The following JAZF1 variants were observed in gnomAD, a reference collection of about 807,000 sequenced individuals.
JAZF1 encodes JAZF zinc finger 1, also known as juxtaposed with another zinc finger protein 1.
A neutral mutation model predicts 26.4 loss-of-function variants in JAZF1; 8 were observed. The observed-to-expected ratio is 0.30, with a 90% CI of 0.18 to 0.55. JAZF1 has a LOEUF of 0.55. Among genes scored for constraint, JAZF1 ranks in the 20% least tolerant of loss-of-function variants. The pLI, the probability that JAZF1 is intolerant of heterozygous loss-of-function variation, is 0.94. For synonymous variants in JAZF1, 126 were observed against 122.3 expected (o/e 1.03, Z -0.20); for missense variants, 199 against 322.0 (o/e 0.62, Z 2.92).
intron 3 of JAZF1, among the ~76,000 whole-genome samples, chr7:27,865,911 AC>A (rs1329012924): frequency 6.6e-6 from 1 of 152,148 alleles, no homozygotes; most frequent in East Asian, 1.9e-4. Flanking sequence ...AGGGCAGTCC[AC>A]CCTTGCTTTC....
At position 27,885,988 on chromosome 7, in the gene JAZF1, C is replaced by G. The variant is rs186751489; in HGVS notation, c.385+9232G>C. On this transcript the variant is annotated intron_variant, in intron 3 of 4. Transcript: ENST00000283928. Reference sequence around the variant, plus strand: ...GCTATTTCTAGAAGCCCTAACTAACCTGACAACATAAGCCATTTCCACCAT... The same window carrying G: ...GCTATTTCTAGAAGCCCTAACTAACGTGACAACATAAGCCATTTCCACCAT... 2.9e-3 allele frequency among the ~76,000 whole-genome samples: 445 copies of G among 152,310 alleles called. 1 individual carries two copies. Among genetic ancestry groups the G allele is most frequent in the Middle Eastern group, 0.017 (5 of 294 alleles).
chr7:28,119,616 A>AC (rs1784804974), intron 1 of JAZF1, among the ~76,000 whole-genome samples: 1 of 152,156 alleles, frequency 6.6e-6, no homozygotes, highest in Non-Finnish European at 1.5e-5. Context: ...CTCTATTTAC[A>AC]ATCGGCTGTC....
In JAZF1 at chr7:28,171,442, TCA is replaced by T. The variant is rs1275834094; in HGVS notation, c.115+9019_115+9020del. 5.4e-4 allele frequency among the ~76,000 whole-genome samples: 82 copies of T among 152,338 alleles called. 1 individual carries two copies. In the East Asian group the frequency reaches 0.014, roughly 26 times the overall value. Reference sequence around the variant, plus strand: ...CCAAAGTACTTCTCAATTTTTATTTTCATACCATTTCTGAAAACACGTCTTGG... The same window carrying T: ...CCAAAGTACTTCTCAATTTTTATTTTTACCATTTCTGAAAACACGTCTTGG... On this transcript the variant is annotated intron_variant, in intron 1 of 4. Transcript: ENST00000283928.
chr7:28,038,446 A>C (rs1448214430), intron 1 of JAZF1, among the ~76,000 whole-genome samples: 1 of 152,218 alleles, frequency 6.6e-6, no homozygotes, highest in Admixed American at 6.5e-5. Context: ...AAAGAAAGGA[A>C]GACAAGATAA....
intron 1 of JAZF1, among the ~76,000 whole-genome samples, chr7:28,112,946 T>C (rs541376405): frequency 3.3e-5 from 5 of 151,996 alleles, no homozygotes; most frequent in South Asian, 2.1e-4. Context: ...CCAGAAAAAA[T>C]AGTGAGCCTC....
chr7:27,880,407 G>A (rs1383538085), intron 3 of JAZF1, among the ~76,000 whole-genome samples: 1 of 152,130 alleles, frequency 6.6e-6, no homozygotes, highest in Non-Finnish European at 1.5e-5. Flanking sequence ...GGGTGAGGTG[G>A]GCGGATCACG....
chr7:28,054,131 C>A lies in JAZF1; in HGVS notation c.116-62150G>T, dbSNP rs532215170. On this transcript the variant is annotated intron_variant, in intron 1 of 4. Transcript: ENST00000283928. ...TGAAGTAGAACAAAACCTTCAAATT[C>A]TATTTTCCACAGAGCATATAATCCT... is the stretch of plus-strand genomic sequence containing the variant. Among the ~76,000 whole-genome samples the A allele has an allele frequency of 2.6e-5, 4 of 152,268 alleles. No homozygotes were observed. The South Asian group carries it at 8.3e-4, about 31-fold the overall frequency.
At chr7:28,020,456 C>CG in intron 1 of JAZF1, 1 of 393,742 alleles carries the variant, frequency 2.5e-6, no homozygotes, top group Non-Finnish European at 5.2e-6. Flanking sequence ...AGCGCCTCCA[C>CG]GGTGCCTTCT....
At chr7:27,969,452 T>C (rs1040449492) in intron 2 of JAZF1, among the ~76,000 whole-genome samples, 2 of 152,100 alleles carry the variant, frequency 1.3e-5, no homozygotes, top group Admixed American at 1.3e-4. Context: ...CTGCGAATCC[T>C]TCTGCTTGTT....
At chr7:28,127,627 T>C (rs1583575281) in intron 1 of JAZF1, among the ~76,000 whole-genome samples, 1 of 152,318 alleles carries the variant, frequency 6.6e-6, no homozygotes, top group South Asian at 2.1e-4. Context: ...AATGTGGCTG[T>C]ATTAGTCCAT....
At chr7:27,864,506 C>T (rs747196322) in intron 3 of JAZF1, among the ~76,000 whole-genome samples, 1 of 152,152 alleles carries the variant, frequency 6.6e-6, no homozygotes, top group Non-Finnish European at 1.5e-5. Flanking sequence ...TGGGTTTGCC[C>T]GGCTCAGAGC....
At chr7:28,143,034 T>G (rs187365209) in intron 1 of JAZF1, among the ~76,000 whole-genome samples, 9 of 152,290 alleles carry the variant, frequency 5.9e-5, no homozygotes, top group Admixed American at 5.9e-4. Flanking sequence ...ACTGAGATCG[T>G]CACTGGGCCA....
intron 1 of JAZF1, among the ~76,000 whole-genome samples, chr7:28,010,248 C>T (rs1782776464): frequency 6.6e-6 from 1 of 152,244 alleles, no homozygotes; most frequent in Middle Eastern, 3.4e-3. Flanking sequence ...AGTATTTGTT[C>T]TCCTACTCCC....
At chr7:27,976,126 C>T (rs1042031978) in intron 2 of JAZF1, among the ~76,000 whole-genome samples, 3 of 152,026 alleles carry the variant, frequency 2.0e-5, no homozygotes, top group African/African-American at 7.2e-5. Context: ...GGGCGGATCA[C>T]GAGGTCAAGA....
chr7:27,851,940 T>C (rs1182206062), intron 3 of JAZF1, among the ~76,000 whole-genome samples: 7 of 151,548 alleles, frequency 4.6e-5, no homozygotes, highest in Non-Finnish European at 8.8e-5. Context: ...TTCTGAGTTA[T>C]GGACCCACAC....
chr7:28,111,844 G>C (rs1455186377), intron 1 of JAZF1, among the ~76,000 whole-genome samples: 1 of 152,184 alleles, frequency 6.6e-6, no homozygotes, highest in African/African-American at 2.4e-5. Context: ...GTGGCTCTGT[G>C]CCTTGCAGCC....
Position 27,895,393 on chromosome 7 carries a change from C to A in JAZF1, c.212G>T (p.Arg71Leu). ...INRFMTDAAR[R>L]EQESLKKKIQ... ...CTTCTTCTTTAGGGACTCCTGCTCT[C>A]GGCGGGCAGCATCTGTCATGAATCT... Residue 71 changes from arginine (R) to leucine (L), a missense_variant, in exon 3 of 5, where the codon CGA becomes CTA. By Grantham distance (102) the Arg-to-Leu change is moderately radical (BLOSUM62 -2). Transcript: ENST00000283928. 3.7e-6 allele frequency: 6 copies of A among 1,602,128 alleles called. No individual in the cohort carries two copies. Among genetic ancestry groups the A allele is most frequent in the Non-Finnish European group, 5.1e-6 (6 of 1,174,396 alleles).
At chr7:28,028,973 A>C (rs1783140596) in intron 1 of JAZF1, among the ~76,000 whole-genome samples, 1 of 152,042 alleles carries the variant, frequency 6.6e-6, no homozygotes, top group Non-Finnish European at 1.5e-5. Context: ...TCTCAAATTT[A>C]TTCCTTCATC....
At chr7:28,036,524 T>C (rs999739711) in intron 1 of JAZF1, among the ~76,000 whole-genome samples, 3 of 152,232 alleles carry the variant, frequency 2.0e-5, no homozygotes, top group African/African-American at 7.2e-5. Context: ...AACCTCACTC[T>C]GCAGGCAGCT....
Sources: allele counts gnomAD v4.1 joint callset (sites outside exome capture counted in the v4.1 genomes callset), GRCh38; gene constraint gnomAD v4.1.1; transcripts MANE v1.5; gene names NCBI Gene and HGNC (gene_info 2026-07-23, HGNC 2026-07-21).